The following RPTOR variants were observed in gnomAD, a reference collection of about 807,000 sequenced individuals.
RPTOR encodes regulatory associated protein of MTOR complex 1.
RPTOR carries 21 observed loss-of-function variants against 169.9 expected under a neutral mutation model. That is an observed-to-expected ratio of 0.12 (90% CI 0.09 to 0.18). The LOEUF (loss-of-function observed/expected upper bound fraction) is 0.18, where lower values mean the gene tolerates loss of function less well. RPTOR is among the 10% of genes least tolerant of loss of function. The probability of loss-of-function intolerance (pLI) is 1.00; values close to 1 mark genes in which losing one functional copy is unlikely to be tolerated. For synonymous variants in RPTOR, 732 were observed against 753.2 expected (o/e 0.97, Z 0.46); for missense variants, 1,133 against 1,855.9 (o/e 0.61, Z 7.16).
At chr17:80,654,181 C>T (rs1198515549) in intron 3 of RPTOR, among the ~76,000 whole-genome samples, 1 of 152,234 alleles carries the variant, frequency 6.6e-6, no homozygotes, top group Non-Finnish European at 1.5e-5. Context: ...GGGGGTCGCA[C>T]CCTCACTTTG....
chr17:80,907,507 G>A (rs1208558922), intron 20 of RPTOR, among the ~76,000 whole-genome samples: 4 of 152,250 alleles, frequency 2.6e-5, no homozygotes, highest in Non-Finnish European at 5.9e-5. Flanking sequence ...TACCAGGATT[G>A]CTGCTTCCCT....
chr17:80,619,174 G>C (rs928530386), intron 1 of RPTOR, among the ~76,000 whole-genome samples: 1 of 152,162 alleles, frequency 6.6e-6, no homozygotes, highest in African/African-American at 2.4e-5. Context: ...TGTGACCTGT[G>C]TGGCCAGCCC....
At chr17:80,940,372 C>T (rs1168763836) in intron 24 of RPTOR, 124 bp from the exon 25 acceptor site, 9 of 680,754 alleles carry the variant, frequency 1.3e-5, no homozygotes, top group East Asian at 2.8e-5. Context: ...CACACCCTTT[C>T]GTATTGGGGA....
rs1175481018 is a variant in RPTOR at position 80,859,805 on chromosome 17, C to G, written c.1509+1905C>G. On this transcript the variant is annotated intron_variant, in intron 13 of 33. Coordinates refer to ENST00000306801, the MANE Select transcript of RPTOR (RefSeq NM_020761.3). ...GTCAGGCGGCTTTCATATGCAAAGT[C>G]TCTTAATTCCTAAGTCCCCTGTGAA... 2.6e-5 allele frequency among the ~76,000 whole-genome samples: 4 copies of G among 152,238 alleles called. No homozygotes were observed. The East Asian group carries it at 7.7e-4, about 29-fold the overall frequency.
At chr17:80,649,668 T>C (rs987056705) in intron 3 of RPTOR, among the ~76,000 whole-genome samples, 1 of 152,212 alleles carries the variant, frequency 6.6e-6, no homozygotes, top group Non-Finnish European at 1.5e-5. Context: ...CTGTGGTGCT[T>C]TGACAGTTTC....
chr17:80,937,994 G>C (rs1040753287), intron 24 of RPTOR, among the ~76,000 whole-genome samples: 9 of 152,224 alleles, frequency 5.9e-5, no homozygotes, highest in Admixed American at 5.9e-4. Context: ...TCTCTTCCCA[G>C]CCCAGCAAGG....
At chr17:80,888,245 G>A (rs2068272841) in intron 17 of RPTOR, among the ~76,000 whole-genome samples, 1 of 152,208 alleles carries the variant, frequency 6.6e-6, no homozygotes, top group Non-Finnish European at 1.5e-5. Context: ...CTCCTGAGTA[G>A]CTGGGACCAC....
chr17:80,566,432 T>C (rs1006885770), intron 1 of RPTOR, among the ~76,000 whole-genome samples: 1 of 152,144 alleles, frequency 6.6e-6, no homozygotes, highest in Non-Finnish European at 1.5e-5. Context: ...AAAAGGTATA[T>C]GTACACATAA....
At chr17:80,857,753 G>A in intron 12 of RPTOR, 37 bp from the exon 13 acceptor site, 1 of 1,511,298 alleles carries the variant, frequency 6.6e-7, no homozygotes, top group Non-Finnish European at 9.1e-7. Context: ...TTCCCTTGCT[G>A]CGGCACAGGT....
chr17:80,790,893 T>C (rs1467655183), intron 6 of RPTOR, among the ~76,000 whole-genome samples: 1 of 152,260 alleles, frequency 6.6e-6, no homozygotes. Context: ...GATGCTTTCC[T>C]ACCTCCTGTT....
intron 3 of RPTOR, among the ~76,000 whole-genome samples, chr17:80,669,884 C>G (rs964721833): frequency 6.6e-6 from 1 of 152,166 alleles, no homozygotes; most frequent in African/African-American, 2.4e-5. Flanking sequence ...TCAGTCGTCA[C>G]TTTCATGTTT....
chr17:80,624,218 A>G (rs997520651), intron 1 of RPTOR, among the ~76,000 whole-genome samples: 1 of 152,242 alleles, frequency 6.6e-6, no homozygotes, highest in Non-Finnish European at 1.5e-5. Flanking sequence ...TTACTCGTGA[A>G]GAAAACTATA....
rs1337593301 is a variant in RPTOR, at chr17:80,545,200, G to T, written c.-430G>T. 2 of 235,592 alleles carry T rather than the reference G, an allele frequency of 8.5e-6. No individual in the cohort carries two copies. Among genetic ancestry groups the T allele is most frequent in the South Asian group, 1.8e-4 (1 of 5,702 alleles). 14.6% of individuals were successfully genotyped at this position (235,592 alleles called of 1,614,324 possible). On this transcript the variant is annotated 5_prime_UTR_variant, in exon 1 of 34. Transcript: ENST00000306801. ...CTTGGCCGGAGACCTCAGCCCAGTC[G>T]GCCCAGTGGGCGAACCGGCACCAAG...
At chr17:80,808,848 G>A (rs1203668162) in intron 7 of RPTOR, among the ~76,000 whole-genome samples, 1 of 152,206 alleles carries the variant, frequency 6.6e-6, no homozygotes, top group East Asian at 1.9e-4. Context: ...GGGAGTATCA[G>A]TAGTGTGTTC....
chr17:80,776,934 A>T (rs533413555), intron 6 of RPTOR, among the ~76,000 whole-genome samples: 3 of 152,236 alleles, frequency 2.0e-5, no homozygotes, highest in East Asian at 3.9e-4. Context: ...GTGCTGAGTT[A>T]TTGATCAGGA....
At chr17:80,551,166 G>A (rs1024772767) in intron 1 of RPTOR, among the ~76,000 whole-genome samples, 19 of 152,164 alleles carry the variant, frequency 1.2e-4, no homozygotes, top group South Asian at 4.1e-4. Flanking sequence ...TGGATTACAG[G>A]CGTGAGCCAT....
At chr17:80,658,323 T>C (rs1412072470) in intron 3 of RPTOR, among the ~76,000 whole-genome samples, 1 of 152,242 alleles carries the variant, frequency 6.6e-6, no homozygotes, top group African/African-American at 2.4e-5. Flanking sequence ...AACAATTTAG[T>C]TTCTGCATAT....
chr17:80,906,465 G>T (rs921405481), intron 20 of RPTOR, among the ~76,000 whole-genome samples: 1 of 152,218 alleles, frequency 6.6e-6, no homozygotes, highest in Non-Finnish European at 1.5e-5. Flanking sequence ...GTGCATCTGC[G>T]TGGCACCGTG....
At chr17:80,735,057 G>A (rs1473738474) in intron 5 of RPTOR, among the ~76,000 whole-genome samples, 2 of 152,186 alleles carry the variant, frequency 1.3e-5, no homozygotes, top group East Asian at 3.9e-4. Context: ...ATTGAGGGAT[G>A]ACTGCAACAA....
Sources: allele counts gnomAD v4.1 joint callset (sites outside exome capture counted in the v4.1 genomes callset), GRCh38; gene constraint gnomAD v4.1.1; transcripts MANE v1.5; gene names NCBI Gene and HGNC (gene_info 2026-07-23, HGNC 2026-07-21).